The following PLAAT4 variants were observed in gnomAD, a reference collection of about 807,000 sequenced individuals.
PLAAT4 encodes HRAS-like suppressor 4.
In PLAAT4, 12 loss-of-function variants were observed where a neutral mutation model predicts 14.1. The ratio of observed to expected loss-of-function variants is 0.85; its 90% CI spans 0.54 to 1.37. PLAAT4 has a LOEUF of 1.37. Among genes scored for constraint, PLAAT4 ranks in the 40% most tolerant of loss-of-function variants. The pLI, the probability that PLAAT4 is intolerant of heterozygous loss-of-function variation, is 0.00. For synonymous variants in PLAAT4, 77 were observed against 79.8 expected (o/e 0.96, Z 0.19); for missense variants, 163 against 211.7 (o/e 0.77, Z 1.43).
At chr11:63,537,807 G>A (rs2017284964) in intron 1 of PLAAT4, among the ~76,000 whole-genome samples, 1 of 152,166 alleles carries the variant, frequency 6.6e-6, no homozygotes, top group Non-Finnish European at 1.5e-5. Flanking sequence ...CTATTTCCTT[G>A]CCCCATTCTA....
In PLAAT4 at chr11:63,536,851, C is replaced by A. The variant is rs771159337; in HGVS notation, c.-18C>A. 9 of 1,611,892 alleles carry A rather than the reference C, an allele frequency of 5.6e-6. No individual in the cohort carries two copies. The highest frequency in any genetic ancestry group is 1.7e-4 in the Middle Eastern group (1 of 6,050). On this transcript the variant is annotated 5_prime_UTR_variant, in exon 1 of 4. Coordinates refer to ENST00000255688, the MANE Select transcript of PLAAT4 (RefSeq NM_004585.5). Reference sequence around the variant, plus strand: ...ATCCACAAACAAGAGGAGCACCAGACCTCCTCTTGGCTTCGAGATGGCTTC... The same window carrying A: ...ATCCACAAACAAGAGGAGCACCAGAACTCCTCTTGGCTTCGAGATGGCTTC...
Position 63,544,767 on chromosome 11 carries a change from G to A in PLAAT4, c.265G>A (p.Val89Met), listed in dbSNP as rs374650684. ...SLDHEYQPRP[V>M]EVIISSAKEM... ...GGACCATGAGTACCAACCACGGCCC[G>A]TGGAGGTGATCATCAGTTCTGCGAA... Residue 89 changes from valine (V) to methionine (M), a missense_variant, in exon 3 of 4, where the codon GTG (valine) becomes ATG (methionine). Physicochemically the swap from Val to Met is conservative, Grantham distance 21. Coordinates refer to ENST00000255688, the MANE Select transcript of PLAAT4 (RefSeq NM_004585.5). 2.1e-4 allele frequency: 334 copies of A among 1,614,116 alleles called. No individual in the cohort carries two copies. The highest frequency in any genetic ancestry group is 2.6e-4 in the Non-Finnish European group (310 of 1,180,052).
intron 1 of PLAAT4, among the ~76,000 whole-genome samples, chr11:63,537,633 G>C (rs1477458865): frequency 6.6e-6 from 1 of 152,224 alleles, no homozygotes; most frequent in Admixed American, 6.5e-5. Context: ...CTGGCCACCA[G>C]CTGAGGTTGC....
Position 63,539,116 on chromosome 11 carries a change from G to A in PLAAT4, c.10-400G>A, listed in dbSNP as rs533720045. ...AACTGAGGGTCAGTCTGCAGAGGGC[G>A]GAGAGCTCAAGACTCACCTTCCCAG... On this transcript the variant is annotated intron_variant, in intron 1 of 3. Coordinates refer to ENST00000255688, the MANE Select transcript of PLAAT4 (RefSeq NM_004585.5). Among the ~76,000 whole-genome samples, 78 of 152,262 alleles carry A rather than the reference G, an allele frequency of 5.1e-4. 1 individual carries two copies. The highest frequency in any genetic ancestry group is 1.7e-3 in the African/African-American group (71 of 41,548).
Position 63,546,174 on chromosome 11 carries a change from G to A in PLAAT4, c.413G>A (p.Gly138Asp), listed in dbSNP as rs1401216694. Residue 138 changes from glycine to aspartate, a missense_variant, in exon 4 of 4, where the codon GGT (glycine) becomes GAT (aspartate). Transcript: ENST00000255688. Reference protein sequence around the residue: ...KQVEKAKVEVGVATALGILVV... With the variant: ...KQVEKAKVEVDVATALGILVV... The stretch of plus-strand genomic sequence containing the variant: ...GTGGAAAAGGCCAAGGTTGAAGTCG[G>A]TGTGGCCACGGCGCTTGGAATCCTG... 1.2e-6 allele frequency: 2 copies of A among 1,614,122 alleles called. No individual in the cohort carries two copies. Among genetic ancestry groups the A allele is most frequent in the African/African-American group, 1.3e-5 (1 of 75,020 alleles).
intron 2 of PLAAT4, among the ~76,000 whole-genome samples, chr11:63,541,581 G>A (rs2017321997): frequency 2.0e-5 from 3 of 146,930 alleles, no homozygotes; most frequent in African/African-American, 5.0e-5. Flanking sequence ...ATCCAGGCTG[G>A]TGTACAGTGA....
At chr11:63,540,601 G>A (rs898663106) in intron 2 of PLAAT4, among the ~76,000 whole-genome samples, 8 of 152,122 alleles carry the variant, frequency 5.3e-5, no homozygotes, top group Non-Finnish European at 1.0e-4. Flanking sequence ...CAAGGCGGAC[G>A]GATCACTTGA....
chr11:63,543,152 A>G (rs574940036), intron 2 of PLAAT4, among the ~76,000 whole-genome samples: 23 of 152,340 alleles, frequency 1.5e-4, no homozygotes, highest in Admixed American at 4.6e-4. Flanking sequence ...TCAGGCTTGT[A>G]AAATACTTTA....
intron 1 of PLAAT4, among the ~76,000 whole-genome samples, chr11:63,537,083 C>T (rs192119026): frequency 2.6e-3 from 396 of 152,310 alleles, no homozygotes; most frequent in Non-Finnish European, 5.2e-3. Flanking sequence ...ACCTCCTCTG[C>T]GTAACTGGCA....
chr11:63,543,391 G>A (rs2017336699), intron 2 of PLAAT4, among the ~76,000 whole-genome samples: 1 of 152,254 alleles, frequency 6.6e-6, no homozygotes, highest in African/African-American at 2.4e-5. Context: ...ACCTCCCCGA[G>A]TTCAGGCCAG....
chr11:63,537,250 CT>C (rs140202856), intron 1 of PLAAT4, among the ~76,000 whole-genome samples: 2,638 of 152,290 alleles, frequency 0.017, 80 homozygotes, highest in African/African-American at 0.061. Context: ...TCTGCTGTGA[CT>C]GGGGCTCAGT....
At chr11:63,539,137 C>T (rs554512182) in intron 1 of PLAAT4, among the ~76,000 whole-genome samples, 1 of 152,298 alleles carries the variant, frequency 6.6e-6, no homozygotes, top group East Asian at 1.9e-4. Flanking sequence ...GACTCACCTT[C>T]CCAGCCTTGC....
In PLAAT4 at chr11:63,540,504, T is replaced by G. The variant is rs2017312786; in HGVS notation, c.118+880T>G. 2.0e-5 allele frequency among the ~76,000 whole-genome samples: 3 copies of G among 150,822 alleles called. No individual in the cohort carries two copies. In the South Asian group the frequency reaches 6.3e-4, roughly 32 times the overall value. On this transcript the variant is annotated intron_variant, in intron 2 of 3. Coordinates refer to ENST00000255688, the MANE Select transcript of PLAAT4 (RefSeq NM_004585.5). ...TTAAAAGCAGAATGAAGGAAACGTA[T>G]GTATGGATAGCCAATGAAAGGGGAA...
Position 63,546,444 on chromosome 11 carries a change from C to T in PLAAT4, c.*188C>T, listed in dbSNP as rs752369170. The T allele has an allele frequency of 1.6e-5, 9 of 575,248 alleles. No individual in the cohort carries two copies. The highest frequency in any genetic ancestry group is 2.8e-5 in the Non-Finnish European group (9 of 324,916). The allele number at this position is 575,248 out of a possible 1,614,324, so 35.6% of individuals were successfully genotyped here. On this transcript the variant is annotated 3_prime_UTR_variant, in exon 4 of 4. Coordinates refer to ENST00000255688, the MANE Select transcript of PLAAT4 (RefSeq NM_004585.5). ...ACAAGACTGAAGGATCAATAAACAG[C>T]CATCTGCCCCTTCAGAAAGGACTTC...
chr11:63,536,957 C>G, intron 1 of PLAAT4, 80 bp downstream of exon 1: 1 of 1,526,070 alleles, frequency 6.6e-7, no homozygotes, highest in South Asian at 1.2e-5. Context: ...GTCCAGGCTC[C>G]TGGCCTTGGG....
chr11:63,539,612 C>T lies in PLAAT4; in HGVS notation c.106C>T (p.Leu36=). The change falls in exon 2 of 4, where the codon CTG becomes TTG. Residue 36 remains leucine (L), a synonymous_variant. Coordinates refer to ENST00000255688, the MANE Select transcript of PLAAT4 (RefSeq NM_004585.5). ...LYIGDGYVIH[L]APPSEYPGAG... ...TATAGGAGATGGCTACGTGATCCAT[C>T]TGGCTCCTCCAAGTAAGGACTGATG... The T allele has an allele frequency of 6.2e-7, 1 of 1,608,254 alleles. No homozygotes were observed. Among genetic ancestry groups the T allele is most frequent in the Non-Finnish European group, 8.5e-7 (1 of 1,174,722 alleles).
At chr11:63,540,376 AG>A (rs2017312019) in intron 2 of PLAAT4, among the ~76,000 whole-genome samples, 1 of 152,248 alleles carries the variant, frequency 6.6e-6, no homozygotes, top group Non-Finnish European at 1.5e-5. Flanking sequence ...CAATTCTCAC[AG>A]GTTTATACAT....
Position 63,546,420 on chromosome 11 carries a change from C to T in PLAAT4, c.*164C>T. 2 of 634,168 alleles carry T rather than the reference C, an allele frequency of 3.2e-6. No individual in the cohort carries two copies. The highest frequency in any genetic ancestry group is 5.5e-5 in the East Asian group (2 of 36,354). The allele number at this position is 634,168 out of a possible 1,614,324, so 39.3% of individuals were successfully genotyped here. A position where few individuals can be genotyped will look rare whatever the true frequency, so the allele number is the denominator to read the frequency against. On this transcript the variant is annotated 3_prime_UTR_variant, in exon 4 of 4. Transcript: ENST00000255688. ...TGGCAAAAGTATGATCTAATTGAAA[C>T]AAGACTGAAGGATCAATAAACAGCC...
intron 2 of PLAAT4, among the ~76,000 whole-genome samples, chr11:63,543,243 G>A (rs2017335586): frequency 6.6e-6 from 1 of 152,230 alleles, no homozygotes; most frequent in South Asian, 2.1e-4. Flanking sequence ...CACACAATAG[G>A]TGAGCTGAGA....
Sources: allele counts gnomAD v4.1 joint callset (sites outside exome capture counted in the v4.1 genomes callset), GRCh38; gene constraint gnomAD v4.1.1; transcripts MANE v1.5; gene names NCBI Gene and HGNC (gene_info 2026-07-23, HGNC 2026-07-21).